The following PLA2G4A variants were observed in gnomAD, a reference collection of about 807,000 sequenced individuals.
PLA2G4A encodes cytosolic phospholipase A2.
In PLA2G4A, 40 loss-of-function variants were observed where a neutral mutation model predicts 81.9. The ratio of observed to expected loss-of-function variants is 0.49; its 90% CI spans 0.38 to 0.64. The LOEUF (loss-of-function observed/expected upper bound fraction) is 0.64, where lower values mean the gene tolerates loss of function less well. Ranked by LOEUF, PLA2G4A falls within the 30% of genes least tolerant of loss-of-function variation. PLA2G4A has a pLI of 0.00. For synonymous variants in PLA2G4A, 302 were observed against 296.9 expected (o/e 1.02, Z -0.18); for missense variants, 715 against 905.1 (o/e 0.79, Z 2.69).
chr1:186,848,909 C>G (rs936566760), intron 1 of PLA2G4A, among the ~76,000 whole-genome samples: 3 of 151,976 alleles, frequency 2.0e-5, no homozygotes, highest in Non-Finnish European at 2.9e-5. Flanking sequence ...AGGTGGTGAA[C>G]AGAGTGGTTA....
chr1:186,907,097 C>A, intron 6 of PLA2G4A, 95 bp downstream of exon 6: 1 of 723,872 alleles, frequency 1.4e-6, no homozygotes, highest in South Asian at 1.6e-5. Context: ...AATTCTGCAG[C>A]TGTGAACATA....
At chr1:186,909,699 C>G (rs1163965108) in intron 6 of PLA2G4A, among the ~76,000 whole-genome samples, 1 of 149,578 alleles carries the variant, frequency 6.7e-6, no homozygotes, top group African/African-American at 2.4e-5. Flanking sequence ...CACTGTCTTA[C>G]TCTTTTCCCC....
intron 7 of PLA2G4A, among the ~76,000 whole-genome samples, chr1:186,917,834 G>A (rs2102170973): frequency 6.6e-6 from 1 of 152,366 alleles, no homozygotes; most frequent in South Asian, 2.1e-4. Flanking sequence ...CCATAAGCTT[G>A]TATGTGGGGC....
chr1:186,853,238 C>T (rs10911930), intron 1 of PLA2G4A, among the ~76,000 whole-genome samples: 77,982 of 151,230 alleles, frequency 0.52, 20,410 homozygotes, highest in East Asian at 0.69. Context: ...AACTCAAGAG[C>T]GTATTAGAAG....
intron 10 of PLA2G4A, among the ~76,000 whole-genome samples, chr1:186,944,549 C>A (rs1295090105): frequency 6.6e-6 from 1 of 152,122 alleles, no homozygotes; most frequent in Admixed American, 6.6e-5. Context: ...CCACGTAAAT[C>A]GTTGTAAATC....
At chr1:186,856,197 A>T (rs145107334) in intron 2 of PLA2G4A, among the ~76,000 whole-genome samples, 3 of 152,156 alleles carry the variant, frequency 2.0e-5, no homozygotes, top group Admixed American at 2.0e-4. Context: ...CCAATCCATT[A>T]ACAAACCATG....
intron 3 of PLA2G4A, among the ~76,000 whole-genome samples, chr1:186,888,811 T>C (rs893638638): frequency 2.7e-5 from 4 of 146,514 alleles, no homozygotes; most frequent in Non-Finnish European, 4.5e-5. Flanking sequence ...TGGTTTTTGC[T>C]TGGCTTTGTT....
chr1:186,882,103 G>A (rs979502453), intron 3 of PLA2G4A, among the ~76,000 whole-genome samples: 4 of 152,116 alleles, frequency 2.6e-5, no homozygotes, highest in African/African-American at 9.7e-5. Flanking sequence ...ATGCCTCTGA[G>A]TCTCAATTTC....
intron 5 of PLA2G4A, among the ~76,000 whole-genome samples, chr1:186,906,704 G>T (rs112968927): frequency 6.6e-6 from 1 of 152,064 alleles, no homozygotes; most frequent in Admixed American, 6.6e-5. Flanking sequence ...TACTGAGGGA[G>T]GAAAACAACC....
chr1:186,982,676 TGTGTGTGC>T (rs1201265997), intron 17 of PLA2G4A, among the ~76,000 whole-genome samples: 3 of 151,518 alleles, frequency 2.0e-5, no homozygotes, highest in Non-Finnish European at 4.4e-5. Context: ...CCTCTTTGTG[TGTGTGTGC>T]GTGTGTGTGT....
chr1:186,957,703 C>CT (rs1656804812), intron 14 of PLA2G4A, among the ~76,000 whole-genome samples: 1 of 152,168 alleles, frequency 6.6e-6, no homozygotes, highest in Non-Finnish European at 1.5e-5. Context: ...CAGCAAGAAC[C>CT]TTGTCACTTT....
At chr1:186,978,931 C>T (rs1657625410) in intron 16 of PLA2G4A, among the ~76,000 whole-genome samples, 1 of 152,172 alleles carries the variant, frequency 6.6e-6, no homozygotes, top group African/African-American at 2.4e-5. Flanking sequence ...AGACCTGTGT[C>T]CCACAATCAT....
intron 3 of PLA2G4A, among the ~76,000 whole-genome samples, chr1:186,879,787 G>A (rs1416066057): frequency 1.3e-5 from 2 of 150,350 alleles, no homozygotes; most frequent in East Asian, 3.9e-4. Context: ...GATATGTACT[G>A]TCTTTATTTT....
chr1:186,910,126 G>A (rs1654890046), intron 6 of PLA2G4A, among the ~76,000 whole-genome samples: 1 of 151,910 alleles, frequency 6.6e-6, no homozygotes, highest in African/African-American at 2.4e-5. Flanking sequence ...ACCTATATTT[G>A]TCCTTTGGGA....
chr1:186,935,935 T>C (rs975102803), intron 8 of PLA2G4A, among the ~76,000 whole-genome samples: 3 of 151,924 alleles, frequency 2.0e-5, no homozygotes, highest in Non-Finnish European at 4.4e-5. Flanking sequence ...TGGTAATTAC[T>C]TCTGAAATTA....
intron 8 of PLA2G4A, among the ~76,000 whole-genome samples, chr1:186,937,481 A>G (rs1655994314): frequency 6.6e-6 from 1 of 152,010 alleles, no homozygotes; most frequent in Admixed American, 6.6e-5. Context: ...AGTTGAGTTG[A>G]GCAAGTCTAT....
In PLA2G4A at chr1:186,979,311, T is replaced by A. The variant is rs780758941; in HGVS notation, c.1961-4T>A. The A allele has an allele frequency of 3.1e-6, 5 of 1,606,044 alleles. No individual in the cohort carries two copies. Among genetic ancestry groups the A allele is most frequent in the Non-Finnish European group, 4.3e-6 (5 of 1,172,612 alleles). On this transcript the variant is annotated splice_region_variant and splice_polypyrimidine_tract_variant and intron_variant, in intron 16 of 17. Transcript: ENST00000367466. ...ACACCCTTTGTGACTCTTCTGGTAT[T>A]TAGGTGTTCCAAGGGAAACTGAGGA...
chr1:186,982,590 A>G (rs1286609807), intron 17 of PLA2G4A, among the ~76,000 whole-genome samples: 2 of 152,210 alleles, frequency 1.3e-5, no homozygotes, highest in African/African-American at 4.8e-5. Context: ...CAGTCAGTAT[A>G]TATTTTCTGA....
chr1:186,902,879 C>CAA (rs72003812), intron 5 of PLA2G4A, among the ~76,000 whole-genome samples: 1,061 of 99,450 alleles, frequency 0.011, 11 homozygotes, highest in African/African-American at 0.038. Context: ...CTTTATTGCT[C>CAA]AAAAAAAAAA....
Sources: allele counts gnomAD v4.1 joint callset (sites outside exome capture counted in the v4.1 genomes callset), GRCh38; gene constraint gnomAD v4.1.1; transcripts MANE v1.5; gene names NCBI Gene and HGNC (gene_info 2026-07-23, HGNC 2026-07-21).